Variants in TACR3 observed in about 807,000 individuals in gnomAD.
TACR3 encodes the protein tachykinin receptor 3.
TACR3 carries 34 observed loss-of-function variants against 35.0 expected under a neutral mutation model. That is an observed-to-expected ratio of 0.97 (90% CI 0.74 to 1.30). TACR3 has a LOEUF of 1.30. Among genes scored for constraint, TACR3 ranks in the 50% most tolerant of loss-of-function variants. TACR3 has a pLI of 0.00. For synonymous variants in TACR3, 233 were observed against 221.1 expected (o/e 1.05, Z -0.48); for missense variants, 558 against 591.7 (o/e 0.94, Z 0.59).
intron 1 of TACR3, among the ~76,000 whole-genome samples, chr4:103,706,173 G>T (rs77738990): frequency 6.6e-6 from 1 of 151,992 alleles, no homozygotes; most frequent in Non-Finnish European, 1.5e-5. Context: ...CTGAAAGAGG[G>T]AAATATCTGG....
At chr4:103,691,119 C>G (rs570018501) in intron 1 of TACR3, among the ~76,000 whole-genome samples, 1 of 152,236 alleles carries the variant, frequency 6.6e-6, no homozygotes, top group Non-Finnish European at 1.5e-5. Flanking sequence ...TTTTCTTGCC[C>G]TAGAGAAATG....
intron 1 of TACR3, among the ~76,000 whole-genome samples, chr4:103,681,209 C>A (rs1722079955): frequency 6.6e-6 from 1 of 151,936 alleles, no homozygotes; most frequent in African/African-American, 2.4e-5. Flanking sequence ...ATACAGTATT[C>A]CACACACCCC....
At position 103,589,844 on chromosome 4, in the gene TACR3, C is replaced by T. The variant is rs1578215133; in HGVS notation, c.1236G>A (p.Val412=). 1 of 1,613,958 alleles carries T rather than the reference C, an allele frequency of 6.2e-7. No individual in the cohort carries two copies. The highest frequency in any genetic ancestry group is 2.2e-5 in the East Asian group (1 of 44,868). The change falls in exon 5 of 5, where the codon GTG becomes GTA. Residue 412 remains valine (V), a synonymous_variant. Coordinates refer to ENST00000304883, the MANE Select transcript of TACR3 (RefSeq NM_001059.3). ...TGGTGTCTGCATCGTTGGGGTCAAA[C>T]ACGACTGTCATGGACTCCATTCTGG... ...TVTRMESMTV[V]FDPNDADTTR...
chr4:103,630,523 T>G (rs965557603), intron 3 of TACR3, among the ~76,000 whole-genome samples: 1 of 152,104 alleles, frequency 6.6e-6, no homozygotes, highest in African/African-American at 2.4e-5. Context: ...GGGCAAGGGA[T>G]ATGAACAGAC....
At chr4:103,696,435 TA>T (rs542650803) in intron 1 of TACR3, among the ~76,000 whole-genome samples, 29 of 151,484 alleles carry the variant, frequency 1.9e-4, no homozygotes, top group African/African-American at 5.3e-4. Flanking sequence ...TATTTCTTTG[TA>T]AAAAAAAAGT....
chr4:103,618,332 G>A lies in TACR3; in HGVS notation c.889-26649C>T, dbSNP rs570465967. On this transcript the variant is annotated intron_variant, in intron 3 of 4. Transcript: ENST00000304883. ...ATCCTAGCACCATTTGTTGAATAGGGAATCCTTTCTCTGTGGCTTGTTTTT... is the reference window on the plus strand; with the variant it reads ...ATCCTAGCACCATTTGTTGAATAGGAAATCCTTTCTCTGTGGCTTGTTTTT... Among the ~76,000 whole-genome samples, 36 of 152,192 alleles carry A rather than the reference G, an allele frequency of 2.4e-4. No individual in the cohort carries two copies. In the South Asian group the frequency reaches 7.2e-3, roughly 31 times the overall value.
chr4:103,624,590 T>A (rs6832621), intron 3 of TACR3: 4 of 152,076 alleles, frequency 2.6e-5, no homozygotes, highest in Non-Finnish European at 5.9e-5. Flanking sequence ...TTAAGCAAAG[T>A]AGTAGAAGAA....
In TACR3 at chr4:103,719,125, C is replaced by T. The variant is rs1232944911; in HGVS notation, c.548+3G>A. On this transcript the variant is annotated splice_donor_region_variant and intron_variant, in intron 1 of 4. Coordinates refer to ENST00000304883, the MANE Select transcript of TACR3 (RefSeq NM_001059.3). ...CTTTCCTCTCTGTCTGTCCTCTCCT[C>T]ACCTGTCCACCGCAATGGCCGTCAT... 16 of 1,614,188 alleles carry T rather than the reference C, an allele frequency of 9.9e-6. No homozygotes were observed. The South Asian group carries it at 1.8e-4, about 18-fold the overall frequency.
chr4:103,597,172 G>C (rs865885189), intron 3 of TACR3, among the ~76,000 whole-genome samples: 21 of 143,642 alleles, frequency 1.5e-4, no homozygotes, highest in Middle Eastern at 3.5e-3. Context: ...CTGAGGAATT[G>C]CCACACTGAC....
intron 1 of TACR3, among the ~76,000 whole-genome samples, chr4:103,700,947 G>C (rs1317388633): frequency 1.3e-5 from 2 of 152,126 alleles, no homozygotes; most frequent in African/African-American, 4.8e-5. Context: ...ATATCATACT[G>C]AATGGGCAAA....
At chr4:103,703,051 TA>T (rs1219226731) in intron 1 of TACR3, among the ~76,000 whole-genome samples, 6 of 152,072 alleles carry the variant, frequency 3.9e-5, no homozygotes, top group African/African-American at 1.4e-4. Flanking sequence ...TAAAGTATAA[TA>T]AAAAATAATA....
At chr4:103,642,544 A>C (rs1007718845) in intron 3 of TACR3, among the ~76,000 whole-genome samples, 4 of 151,714 alleles carry the variant, frequency 2.6e-5, no homozygotes, top group Non-Finnish European at 5.9e-5. Flanking sequence ...TGCTAAGTGA[A>C]ATAAGCCAGG....
intron 3 of TACR3, among the ~76,000 whole-genome samples, chr4:103,637,762 G>A (rs1460509227): frequency 4.6e-5 from 7 of 152,020 alleles, no homozygotes; most frequent in Admixed American, 1.3e-4. Context: ...AAATCAATGT[G>A]CAAAAATCAC....
At chr4:103,623,352 T>G (rs1724825489) in intron 3 of TACR3, among the ~76,000 whole-genome samples, 2 of 152,158 alleles carry the variant, frequency 1.3e-5, no homozygotes, top group African/African-American at 4.8e-5. Flanking sequence ...TGCTAAATCA[T>G]GCAAAGATAG....
chr4:103,716,085 T>G (rs1723083745), intron 1 of TACR3, among the ~76,000 whole-genome samples: 1 of 152,188 alleles, frequency 6.6e-6, no homozygotes, highest in Non-Finnish European at 1.5e-5. Flanking sequence ...ATCTTGACTG[T>G]ACTGCATAAT....
At chr4:103,640,242 T>C (rs760435226) in intron 3 of TACR3, among the ~76,000 whole-genome samples, 5 of 152,098 alleles carry the variant, frequency 3.3e-5, no homozygotes, top group Non-Finnish European at 7.4e-5. Flanking sequence ...TATAAAATAT[T>C]GCAAAGATAT....
chr4:103,719,398 C>T lies in TACR3; in HGVS notation c.278G>A (p.Gly93Asp), dbSNP rs121918124. Residue 93 changes from glycine to aspartate, a missense_variant, in exon 1 of 5, where the codon GGT (glycine) becomes GAT (aspartate). Coordinates refer to ENST00000304883, the MANE Select transcript of TACR3 (RefSeq NM_001059.3). ...WRIALWSLAYGVVVAVAVLGN... is the reference protein window; with the variant it reads ...WRIALWSLAYDVVVAVAVLGN... ...CAAAACTGCCACTGCCACCACCACA[C>T]CATACGCCAGGGACCAGAGCGCGAT... The T allele has an allele frequency of 6.2e-7, 1 of 1,614,120 alleles. No homozygotes were observed. Among genetic ancestry groups the T allele is most frequent in the African/African-American group, 1.3e-5 (1 of 74,940 alleles).
At chr4:103,676,200 A>G (rs1382785292) in intron 1 of TACR3, among the ~76,000 whole-genome samples, 3 of 152,130 alleles carry the variant, frequency 2.0e-5, no homozygotes, top group Admixed American at 2.0e-4. Context: ...TATAATTGTT[A>G]AGCAGTGAAT....
chr4:103,710,501 G>A (rs1379815100), intron 1 of TACR3, among the ~76,000 whole-genome samples: 1 of 152,068 alleles, frequency 6.6e-6, no homozygotes, highest in Non-Finnish European at 1.5e-5. Flanking sequence ...TGTGTGTAGA[G>A]GGAAATTTAT....
Sources: allele counts gnomAD v4.1 joint callset (sites outside exome capture counted in the v4.1 genomes callset), GRCh38; gene constraint gnomAD v4.1.1; transcripts MANE v1.5; gene names NCBI Gene and HGNC (gene_info 2026-07-23, HGNC 2026-07-21).